Variants in CYTH4 observed in about 807,000 individuals in gnomAD.
CYTH4 encodes cytohesin-4.
CYTH4 carries 22 observed loss-of-function variants against 57.5 expected under a neutral mutation model. That is an observed-to-expected ratio of 0.38 (90% CI 0.27 to 0.55). The LOEUF (loss-of-function observed/expected upper bound fraction) is 0.55, where lower values mean the gene tolerates loss of function less well. CYTH4 is among the 20% of genes least tolerant of loss of function. The pLI is 0.74. For missense variants in CYTH4, 420 were observed against 535.6 expected, an observed-to-expected ratio of 0.78 and a Z score of 2.13; for synonymous variants, 186 against 206.5, an observed-to-expected ratio of 0.90 and a Z score of 0.85.
Position 37,312,095 on chromosome 22 carries a change from G to A in CYTH4, c.1033G>A (p.Val345Met). 1.9e-6 allele frequency: 3 copies of A among 1,614,214 alleles called. No homozygotes were observed. Among genetic ancestry groups the A allele is most frequent in the Non-Finnish European group, 2.5e-6 (3 of 1,180,034 alleles). ...KACKTDGDGR[V>M]VEGKHESYRI... ...CTGCAAGACCGATGGCGACGGCAGG[G>A]TGGTGGAGGGCAAGCACGAATCGTA... is the stretch of plus-strand genomic sequence containing the variant. Residue 345 changes from valine to methionine, a missense_variant, in exon 12 of 13, where the codon GTG becomes ATG. By Grantham distance (21) the Val-to-Met change is conservative (BLOSUM62 1). Coordinates refer to ENST00000248901, the MANE Select transcript of CYTH4 (RefSeq NM_013385.5).
At chr22:37,291,464 C>G in intron 1 of CYTH4, among the ~76,000 whole-genome samples, 1 of 152,298 alleles carries the variant, frequency 6.6e-6, no homozygotes, top group Middle Eastern at 3.4e-3. Flanking sequence ...AGGCACTTCC[C>G]GACGCTGGAA....
chr22:37,303,474 C>G, intron 8 of CYTH4, 72 bp downstream of exon 8: 3 of 1,520,254 alleles, frequency 2.0e-6, no homozygotes, highest in East Asian at 4.7e-5. Flanking sequence ...ATGGATGGCC[C>G]GGGAGGGGCT....
chr22:37,292,312 G>T, intron 1 of CYTH4: 1 of 365,104 alleles, frequency 2.7e-6, no homozygotes, highest in Admixed American at 4.3e-5. Context: ...ACAGTAGTGA[G>T]CAAAAGAGTA....
intron 12 of CYTH4, among the ~76,000 whole-genome samples, chr22:37,312,442 G>A (rs550380323): frequency 3.3e-5 from 5 of 152,256 alleles, no homozygotes; most frequent in African/African-American, 1.2e-4. Flanking sequence ...TTCTTGCCCC[G>A]CCCTTGCCTG....
At position 37,284,951 on chromosome 22, in the gene CYTH4, G is replaced by A. The variant is rs989327652; in HGVS notation, c.19+2363G>A. On this transcript the variant is annotated intron_variant, in intron 1 of 12. Transcript: ENST00000248901. ...GAGCCAGCTCGGCTGGGGCGGTGGG[G>A]GGGCGGCGGGGGAGGAAGCCGCACT... Among the ~76,000 whole-genome samples the A allele has an allele frequency of 2.6e-5, 4 of 152,172 alleles. No individual in the cohort carries two copies. The South Asian group carries it at 8.3e-4, about 31-fold the overall frequency.
rs542894219 is a variant in CYTH4 at position 37,309,284 on chromosome 22, T to G, written c.769T>G (p.Phe257Val). ...EDDGNDLTHTFFNPDREGWLL... is the reference protein window; with the variant it reads ...EDDGNDLTHTVFNPDREGWLL... ...CGACGGCAATGACCTCACTCACACC[T>G]TCTTCAATCCAGACCGGGAGGGTTG... Residue 257 changes from phenylalanine to valine, a missense_variant, in exon 9 of 13, where the codon TTC becomes GTC. Physicochemically the swap from Phe to Val is conservative, Grantham distance 50. Transcript: ENST00000248901. 1 of 1,614,102 alleles carries G rather than the reference T, an allele frequency of 6.2e-7. No homozygotes were observed. Among genetic ancestry groups the G allele is most frequent in the African/African-American group, 1.3e-5 (1 of 75,038 alleles).
At chr22:37,286,529 GA>G (rs1928567285) in intron 1 of CYTH4, among the ~76,000 whole-genome samples, 1 of 152,136 alleles carries the variant, frequency 6.6e-6, no homozygotes, top group South Asian at 2.1e-4. Flanking sequence ...GCAGATCCCA[GA>G]AACGCTGTGG....
rs1601712756 is a variant in CYTH4, at chr22:37,311,598, G to A, written c.957+71G>A. The A allele has an allele frequency of 3.3e-6, 5 of 1,497,284 alleles. No individual in the cohort carries two copies. Among genetic ancestry groups the A allele is most frequent in the East Asian group, 4.5e-5 (2 of 44,292 alleles). 92.7% of individuals were successfully genotyped at this position (1,497,284 alleles called of 1,614,324 possible). Reference sequence around the variant, plus strand: ...ATTTCCTAAACAGAACGTGGGGAGAGGGCCTGAGGCTGGGCTCTCCAGGAA... The same window carrying A: ...ATTTCCTAAACAGAACGTGGGGAGAAGGCCTGAGGCTGGGCTCTCCAGGAA... On this transcript the variant is annotated intron_variant, in intron 11 of 12. Coordinates refer to ENST00000248901, the MANE Select transcript of CYTH4 (RefSeq NM_013385.5). The surrounding 1 kb of genome is among the most constrained non-coding windows in gnomAD (Gnocchi z 4.4).
At chr22:37,292,734 C>T in intron 2 of CYTH4, 31 bp downstream of exon 2, 1 of 1,606,268 alleles carries the variant, frequency 6.2e-7, no homozygotes, top group Non-Finnish European at 8.5e-7. Context: ...ACACACGTGT[C>T]CATGCCCACA....
Position 37,313,597 on chromosome 22 carries a change from A to G in CYTH4, c.*86A>G. ...GGAGACCCACCTCCCACCCCAGTGC[A>G]CTCTTTTGGGCCACAGACATCATTG... On this transcript the variant is annotated 3_prime_UTR_variant, in exon 13 of 13. Coordinates refer to ENST00000248901, the MANE Select transcript of CYTH4 (RefSeq NM_013385.5). 8.2e-7 allele frequency: 1 copy of G among 1,225,400 alleles called. No homozygotes were observed. Among genetic ancestry groups the G allele is most frequent in the South Asian group, 1.2e-5 (1 of 80,940 alleles). 75.9% of individuals were successfully genotyped at this position (1,225,400 alleles called of 1,614,324 possible).
chr22:37,299,218 T>TC lies in CYTH4; in HGVS notation c.354-3dup. On this transcript the variant is annotated splice_polypyrimidine_tract_variant and splice_region_variant and intron_variant, in intron 5 of 12. Coordinates refer to ENST00000248901, the MANE Select transcript of CYTH4 (RefSeq NM_013385.5). ...GTGTCCCACCCTCCCTTCCGCCTCC[T>TC]CCCCCAGGGATCCCATCAACCTGCA... The TC allele has an allele frequency of 1.6e-6, 2 of 1,241,182 alleles. No homozygotes were observed. The highest frequency in any genetic ancestry group is 2.3e-6 in the Non-Finnish European group (2 of 879,580). The allele number at this position is 1,241,182 out of a possible 1,614,324, so 76.9% of individuals were successfully genotyped here.
intron 1 of CYTH4, chr22:37,292,022 TC>T (rs934401243): frequency 2.0e-4 from 31 of 152,170 alleles, no homozygotes; most frequent in African/African-American, 7.5e-4. Flanking sequence ...AAATCCAGCC[TC>T]CCCATTTTAC....
chr22:37,311,497 G>C lies in CYTH4; in HGVS notation c.927G>C (p.Ser309=). Residue 309 remains serine, a synonymous_variant, in exon 11 of 13, where the codon TCG becomes TCC. Transcript: ENST00000248901. This position sits in a 1 kb window ranked among gnomAD's most constrained non-coding sequence, Gnocchi z 4.4. ...PRGIIPLENL[S]VQKVDDPKKP... is the part of the protein sequence containing the mutation. ...GAATTATACCTCTTGAGAACCTCTC[G>C]GTGCAGAAGGTGGATGACCCCAAGA... is the stretch of plus-strand genomic sequence containing the variant. 1.2e-6 allele frequency: 2 copies of C among 1,614,050 alleles called. No individual in the cohort carries two copies. Among genetic ancestry groups the C allele is most frequent in the Non-Finnish European group, 1.7e-6 (2 of 1,180,018 alleles).
Position 37,314,448 on chromosome 22 carries a change from C to G in CYTH4, c.*937C>G, listed in dbSNP as rs898450383. ...CCAAGAAGCCAAGAAGGGAGAGTTT[C>G]GTGCACTGTGGTTAACAGGAGGGCT... On this transcript the variant is annotated 3_prime_UTR_variant, in exon 13 of 13. Transcript: ENST00000248901. 5.0e-6 allele frequency: 2 copies of G among 398,658 alleles called. No homozygotes were observed. Among genetic ancestry groups the G allele is most frequent in the Non-Finnish European group, 8.8e-6 (2 of 226,196 alleles). The allele number at this position is 398,658 out of a possible 1,614,324, so 24.7% of individuals were successfully genotyped here.
chr22:37,284,095 C>A (rs1057277928), intron 1 of CYTH4, among the ~76,000 whole-genome samples: 1 of 152,108 alleles, frequency 6.6e-6, no homozygotes, highest in Non-Finnish European at 1.5e-5. Context: ...CGAGAACCTG[C>A]GGGAGAGAGC....
chr22:37,282,508 G>T lies in CYTH4; in HGVS notation c.-62G>T, dbSNP rs191085522. On this transcript the variant is annotated 5_prime_UTR_variant, in exon 1 of 13. Coordinates refer to ENST00000248901, the MANE Select transcript of CYTH4 (RefSeq NM_013385.5). ...TGACGCATCCTTGCCGGGCCAGCCC[G>T]AACAGCAGCTGGGTCGGCAAGCGAC... is the stretch of plus-strand genomic sequence containing the variant. 1 of 1,611,126 alleles carries T rather than the reference G, an allele frequency of 6.2e-7. No homozygotes were observed. The highest frequency in any genetic ancestry group is 8.5e-7 in the Non-Finnish European group (1 of 1,178,834).
chr22:37,295,077 C>T lies in CYTH4; in HGVS notation c.167+353C>T, dbSNP rs1201325279. Among the ~76,000 whole-genome samples the T allele has an allele frequency of 6.6e-6, 1 of 152,176 alleles. No individual in the cohort carries two copies. The highest frequency in any genetic ancestry group is 1.5e-5 in the Non-Finnish European group (1 of 68,030). ...GCCCCAAGGGCAAGGACAAGGAAGC[C>T]CAGGGCCCCAGGAGGACAGGAGCCT... On this transcript the variant is annotated intron_variant, in intron 3 of 12. Coordinates refer to ENST00000248901, the MANE Select transcript of CYTH4 (RefSeq NM_013385.5). The surrounding 1 kb of genome is among the most constrained non-coding windows in gnomAD (Gnocchi z 4.1).
chr22:37,308,821 A>T (rs531140590), intron 8 of CYTH4, among the ~76,000 whole-genome samples: 27 of 151,414 alleles, frequency 1.8e-4, no homozygotes, highest in Middle Eastern at 3.5e-3. Context: ...TGTATGTGTG[A>T]GCATGCATTT....
At chr22:37,290,913 G>C (rs1928727527) in intron 1 of CYTH4, among the ~76,000 whole-genome samples, 2 of 152,204 alleles carry the variant, frequency 1.3e-5, no homozygotes, top group African/African-American at 4.8e-5. Flanking sequence ...TCAGCTGTGA[G>C]CCATCAGCAG....
Sources: gnomAD v4.1 joint callset for allele counts (sites outside exome capture counted in the v4.1 genomes callset) on GRCh38, gnomAD v4.1.1 for gene constraint, Gnocchi (gnomAD v3.1) non-coding constraint, MANE v1.5 for transcripts, NCBI Gene and HGNC (gene_info 2026-07-23, HGNC 2026-07-21) for gene names.